Variants in WWOX observed in about 807,000 individuals in gnomAD.
WWOX encodes WW domain containing oxidoreductase, also known as WW domain-containing oxidoreductase.
In WWOX, 69 loss-of-function variants were observed where a neutral mutation model predicts 46.2. The observed-to-expected ratio is 1.49, with a 90% CI of 1.23 to 1.82. The LOEUF (loss-of-function observed/expected upper bound fraction) is 1.82. Ranked by LOEUF, WWOX falls within the 40% of genes most tolerant of loss-of-function variation. The pLI is 0.00. For missense variants in WWOX, 919 were observed against 542.6 expected (o/e 1.69, Z -6.89); for synonymous variants, 359 against 202.6 (o/e 1.77, Z -6.56).
intron 8 of WWOX, among the ~76,000 whole-genome samples, chr16:79,107,462 G>C (rs931379344): frequency 2.5e-4 from 38 of 152,116 alleles, no homozygotes; most frequent in African/African-American, 8.9e-4. Context: ...CAATAACAAA[G>C]AAAAGAAAAG....
chr16:79,188,960 T>C (rs780512956), intron 8 of WWOX, among the ~76,000 whole-genome samples: 1 of 152,172 alleles, frequency 6.6e-6, no homozygotes, highest in Non-Finnish European at 1.5e-5. Flanking sequence ...ATTATAGTCT[T>C]TATTGCATGC....
chr16:78,707,656 G>T (rs2048352325), intron 8 of WWOX, among the ~76,000 whole-genome samples: 1 of 152,058 alleles, frequency 6.6e-6, no homozygotes, highest in South Asian at 2.1e-4. Flanking sequence ...ACTAAGGCGG[G>T]TGGATCACTT....
chr16:79,115,145 C>T (rs1316502841), intron 8 of WWOX, among the ~76,000 whole-genome samples: 1 of 152,166 alleles, frequency 6.6e-6, no homozygotes, highest in Non-Finnish European at 1.5e-5. Context: ...CCTTCGTGTT[C>T]CCCATGTTCT....
intron 8 of WWOX, 57 bp from the exon 9 acceptor site, chr16:79,211,551 C>CCAT (rs1049015250): frequency 1.9e-5 from 30 of 1,610,120 alleles, no homozygotes; most frequent in African/African-American, 4.0e-5. Flanking sequence ...CGAAATGACG[C>CCAT]CATCTCATCA....
chr16:79,039,189 C>A lies in WWOX; in HGVS notation c.1057-172419C>A, dbSNP rs376828288. On this transcript the variant is annotated intron_variant, in intron 8 of 8. Coordinates refer to ENST00000566780, the MANE Select transcript of WWOX (RefSeq NM_016373.4). The stretch of plus-strand genomic sequence containing the variant: ...GTGATGCTCATGTTACGGTTTTGAA[C>A]CCAGGACTTTGCGTTGCAGTTTTGT... Among the ~76,000 whole-genome samples the A allele has an allele frequency of 1.7e-3, 261 of 152,166 alleles. 5 individuals carry two copies. The South Asian group carries it at 0.047, about 27-fold the overall frequency.
At chr16:79,129,751 C>G (rs970947522) in intron 8 of WWOX, among the ~76,000 whole-genome samples, 1 of 152,086 alleles carries the variant, frequency 6.6e-6, no homozygotes, top group African/African-American at 2.4e-5. Flanking sequence ...TTATTCAATC[C>G]ATGCATTGAA....
chr16:78,897,054 C>T (rs2044716481), intron 8 of WWOX: 1 of 149,580 alleles, frequency 6.7e-6, no homozygotes, highest in Admixed American at 6.7e-5. Flanking sequence ...AGGGTGAAAC[C>T]CCGCCTCCAC....
chr16:78,391,695 A>G (rs1344418134), intron 6 of WWOX, among the ~76,000 whole-genome samples: 1 of 152,174 alleles, frequency 6.6e-6, no homozygotes, highest in Admixed American at 6.5e-5. Flanking sequence ...TAAAAATACA[A>G]AAATTAGCCG....
rs77079617 is a variant in WWOX, at chr16:78,736,924, A to G, written c.1056+304172A>G. On this transcript the variant is annotated intron_variant, in intron 8 of 8. Coordinates refer to ENST00000566780, the MANE Select transcript of WWOX (RefSeq NM_016373.4). ...GTGCCCGGCCCACAATGGTTTTCAT[A>G]TAGCTATTGTGTATTGCGTTATTGC... Among the ~76,000 whole-genome samples, 23 of 152,098 alleles carry G rather than the reference A, an allele frequency of 1.5e-4. No homozygotes were observed. The East Asian group carries it at 4.3e-3, about 28-fold the overall frequency.
chr16:78,470,125 A>G (rs1232356387), intron 8 of WWOX, among the ~76,000 whole-genome samples: 2 of 152,120 alleles, frequency 1.3e-5, no homozygotes, highest in African/African-American at 2.4e-5. Context: ...AGCTCTTTTC[A>G]TCTTGTGGCT....
At chr16:78,891,456 C>T (rs2044588702) in intron 8 of WWOX, 1 of 152,116 alleles carries the variant, frequency 6.6e-6, no homozygotes, top group South Asian at 2.1e-4. Context: ...CCTGCTGGAC[C>T]TGTAGAAGTG....
At chr16:78,540,020 TCACACACA>T (rs71140810) in intron 8 of WWOX, among the ~76,000 whole-genome samples, 4 of 132,924 alleles carry the variant, frequency 3.0e-5, no homozygotes, top group Admixed American at 2.3e-4. Context: ...TCTCTCTCTC[TCACACACA>T]CACACACACA....
At chr16:79,111,219 G>A (rs906760369) in intron 8 of WWOX, among the ~76,000 whole-genome samples, 3 of 152,188 alleles carry the variant, frequency 2.0e-5, no homozygotes, top group African/African-American at 7.2e-5. Context: ...ATGACCAAGG[G>A]CTCATGATTT....
intron 5 of WWOX, among the ~76,000 whole-genome samples, chr16:78,320,324 G>T (rs1597478629): frequency 6.6e-6 from 1 of 152,118 alleles, no homozygotes; most frequent in African/African-American, 2.4e-5. Flanking sequence ...ATCCCCTTCG[G>T]TGTAGGTTGT....
chr16:78,688,112 A>G (rs1217572699), intron 8 of WWOX, among the ~76,000 whole-genome samples: 7 of 152,002 alleles, frequency 4.6e-5, no homozygotes, highest in Non-Finnish European at 7.4e-5. Flanking sequence ...TATTATTTCT[A>G]TATATCTTAA....
At chr16:78,207,849 T>G (rs2036444027) in intron 5 of WWOX, among the ~76,000 whole-genome samples, 1 of 152,022 alleles carries the variant, frequency 6.6e-6, no homozygotes, top group Non-Finnish European at 1.5e-5. Context: ...TAGAGTCTCT[T>G]TTGCTCAGGC....
chr16:78,713,017 C>G (rs1159883795), intron 8 of WWOX, among the ~76,000 whole-genome samples: 2 of 151,834 alleles, frequency 1.3e-5, no homozygotes, highest in Non-Finnish European at 1.5e-5. Context: ...TGCCTGTAAT[C>G]CCAGTGCTTT....
At chr16:78,620,960 C>A (rs146489537) in intron 8 of WWOX, among the ~76,000 whole-genome samples, 3 of 152,134 alleles carry the variant, frequency 2.0e-5, no homozygotes, top group African/African-American at 7.2e-5. Context: ...AAGCATCTCA[C>A]TGTATTTTTA....
chr16:78,265,796 A>G (rs1025241788), intron 5 of WWOX, among the ~76,000 whole-genome samples: 4 of 151,660 alleles, frequency 2.6e-5, no homozygotes, highest in Admixed American at 6.6e-5. Context: ...AATAGTTTCT[A>G]GCACAGAACA....
Sources: allele counts gnomAD v4.1 joint callset (sites outside exome capture counted in the v4.1 genomes callset), GRCh38; gene constraint gnomAD v4.1.1; transcripts MANE v1.5; gene names NCBI Gene and HGNC (gene_info 2026-07-23, HGNC 2026-07-21).